CSMD1: variants seen among roughly 807,000 people sequenced by gnomAD.
The protein encoded by CSMD1 is CUB and Sushi multiple domains 1, also known as CUB and sushi domain-containing protein 1.
Under a neutral mutation model 417.5 loss-of-function variants are expected in CSMD1, and 213 were observed. The observed-to-expected ratio is 0.51, with a 90% CI of 0.46 to 0.57. The LOEUF (loss-of-function observed/expected upper bound fraction) is 0.57. Among genes scored for constraint, CSMD1 ranks in the 20% least tolerant of loss-of-function variants. The probability of loss-of-function intolerance (pLI) is 0.00; values close to 1 mark genes in which losing one functional copy is unlikely to be tolerated. For missense variants in CSMD1, 6,923 were observed against 4,529.7 expected, an observed-to-expected ratio of 1.53 and a Z score of -15.17; for synonymous variants, 2,862 against 1,736.8, an observed-to-expected ratio of 1.65 and a Z score of -16.11.
chr8:3,224,016 C>G, intron 27 of CSMD1, 149 bp from the exon 28 acceptor site: 1 of 656,854 alleles, frequency 1.5e-6, no homozygotes, highest in South Asian at 3.1e-5. Flanking sequence ...TATCAATTAT[C>G]CTGATAAAAT....
chr8:3,746,988 G>A lies in CSMD1; in HGVS notation c.931+6942C>T, dbSNP rs151253272. 5.1e-3 allele frequency among the ~76,000 whole-genome samples: 778 copies of A among 152,280 alleles called. 8 individuals carry two copies. Among genetic ancestry groups the A allele is most frequent in the African/African-American group, 0.018 (742 of 41,556 alleles). ...AGCTGTGACTAAATTACAGCTATCC[G>A]AAAAAGTTCCTCCTTTCATTAGGAA... On this transcript the variant is annotated intron_variant, in intron 6 of 69. Coordinates refer to ENST00000635120, the MANE Select transcript of CSMD1 (RefSeq NM_033225.6).
chr8:4,356,351 A>ACACACACAC (rs1230404429), intron 3 of CSMD1, among the ~76,000 whole-genome samples: 1 of 139,774 alleles, frequency 7.2e-6, no homozygotes, highest in African/African-American at 2.9e-5. Context: ...CACACACACC[A>ACACACACAC]GTTTCTTTAT....
intron 5 of CSMD1, among the ~76,000 whole-genome samples, chr8:3,897,082 GTTCCT>G (rs943121826): frequency 1.3e-5 from 2 of 152,084 alleles, no homozygotes; most frequent in Non-Finnish European, 2.9e-5. Context: ...GTTTCCGAAT[GTTCCT>G]TTCAATACTG....
chr8:3,744,544 T>C (rs1427872701), intron 6 of CSMD1, among the ~76,000 whole-genome samples: 2 of 152,320 alleles, frequency 1.3e-5, no homozygotes, highest in Middle Eastern at 3.4e-3. Flanking sequence ...GTTTCTTTAT[T>C]TTCATGTCAG....
chr8:3,529,933 G>C (rs754690948), intron 10 of CSMD1, among the ~76,000 whole-genome samples: 7 of 152,082 alleles, frequency 4.6e-5, no homozygotes, highest in Non-Finnish European at 1.0e-4. Context: ...ATCAACATTT[G>C]TAAATATATA....
In CSMD1 at chr8:3,096,872, A is replaced by G. The variant is rs1280121063; in HGVS notation, c.7115T>C (p.Phe2372Ser). 6.4e-7 allele frequency: 1 copy of G among 1,555,856 alleles called. No homozygotes were observed. The highest frequency in any genetic ancestry group is 1.2e-5 in the South Asian group (1 of 84,264). ...FVDTFQSEKQ[F>S]DALEVFDGSS... The stretch of plus-strand genomic sequence containing the variant: ...ACCATCAAACACTTCCAGTGCATCA[A>G]ACTGCTTTTCACTTTGAAATGTGTC... The change falls in exon 47 of 70, where the codon TTT becomes TCT. Residue 2372 changes from phenylalanine (F) to serine (S), a missense_variant. Phe to Ser is a radical substitution (Grantham distance 155). Transcript: ENST00000635120.
At chr8:3,702,304 GGGCAA>G (rs1461108415) in intron 7 of CSMD1, 1 of 152,074 alleles carries the variant, frequency 6.6e-6, no homozygotes, top group African/African-American at 2.4e-5. Flanking sequence ...ATATCGAATT[GGGCAA>G]GTCATTTGTC....
At chr8:4,431,699 C>T (rs561782417) in intron 2 of CSMD1, among the ~76,000 whole-genome samples, 7 of 152,126 alleles carry the variant, frequency 4.6e-5, no homozygotes, top group East Asian at 1.9e-4. Context: ...ATCCTAAATC[C>T]TGACAGCAGA....
At chr8:4,019,827 C>T (rs1796701172) in intron 4 of CSMD1, among the ~76,000 whole-genome samples, 1 of 151,774 alleles carries the variant, frequency 6.6e-6, no homozygotes, top group Admixed American at 6.6e-5. Flanking sequence ...TCACTAGGCA[C>T]TCTTGTCCTT....
At chr8:4,864,092 C>A (rs1014483922) in intron 1 of CSMD1, among the ~76,000 whole-genome samples, 8 of 151,980 alleles carry the variant, frequency 5.3e-5, no homozygotes, top group South Asian at 4.1e-4. Context: ...TTATATAACT[C>A]AGTCTATAAA....
chr8:3,724,448 C>G (rs1452906789), intron 6 of CSMD1, among the ~76,000 whole-genome samples: 2 of 152,052 alleles, frequency 1.3e-5, no homozygotes, highest in Admixed American at 1.3e-4. Flanking sequence ...AATTTTCTCT[C>G]AATGTAATTC....
intron 5 of CSMD1, among the ~76,000 whole-genome samples, chr8:3,829,437 C>T (rs1802244251): frequency 6.6e-6 from 1 of 152,132 alleles, no homozygotes; most frequent in Non-Finnish European, 1.5e-5. Context: ...ATACCGGTTC[C>T]ACATGAATTC....
At chr8:4,002,275 G>C (rs1484561450) in intron 4 of CSMD1, among the ~76,000 whole-genome samples, 1 of 152,006 alleles carries the variant, frequency 6.6e-6, no homozygotes, top group Non-Finnish European at 1.5e-5. Context: ...GTGTTTGAAA[G>C]CACCTGCTAT....
intron 12 of CSMD1, among the ~76,000 whole-genome samples, chr8:3,411,952 ATACACGTATATATG>A (rs1812785462): frequency 1.3e-5 from 1 of 74,456 alleles, no homozygotes; most frequent in African/African-American, 5.2e-5. Flanking sequence ...GCACGTATAT[ATACACGTATATATG>A]CACGTATATA....
chr8:4,034,065 G>C (rs549920000), intron 3 of CSMD1, among the ~76,000 whole-genome samples: 48 of 152,174 alleles, frequency 3.2e-4, no homozygotes, highest in African/African-American at 1.0e-3. Context: ...TGTATCCATT[G>C]TCTTTGCATC....
intron 3 of CSMD1, among the ~76,000 whole-genome samples, chr8:4,400,761 GTTTT>G (rs11439463): frequency 2.9e-5 from 4 of 139,530 alleles, no homozygotes; most frequent in African/African-American, 5.2e-5. Flanking sequence ...ATACAGATCA[GTTTT>G]TTTTTTTTTT....
chr8:3,661,244 G>C (rs1475128294), intron 7 of CSMD1, among the ~76,000 whole-genome samples: 3 of 152,164 alleles, frequency 2.0e-5, no homozygotes, highest in African/African-American at 7.2e-5. Context: ...CAAGAGCTCA[G>C]CCTTGGCCAG....
chr8:4,106,861 C>T (rs775411527), intron 3 of CSMD1, among the ~76,000 whole-genome samples: 5 of 152,192 alleles, frequency 3.3e-5, no homozygotes, highest in Non-Finnish European at 5.9e-5. Context: ...AAAACTGCCC[C>T]GCATTTCTTC....
At chr8:4,387,350 C>G (rs1282037802) in intron 3 of CSMD1, among the ~76,000 whole-genome samples, 1 of 151,928 alleles carries the variant, frequency 6.6e-6, no homozygotes, top group East Asian at 1.9e-4. Flanking sequence ...TGAGCCTACA[C>G]TCAGAAGTGC....
Sources: gnomAD v4.1 joint callset for allele counts (sites outside exome capture counted in the v4.1 genomes callset) on GRCh38, gnomAD v4.1.1 for gene constraint, MANE v1.5 for transcripts, NCBI Gene and HGNC (gene_info 2026-07-23, HGNC 2026-07-21) for gene names.